ERICH2: variants seen among roughly 807,000 people sequenced by gnomAD.
ERICH2 encodes the protein glutamate-rich protein 2.
Under a neutral mutation model 17.4 loss-of-function variants are expected in ERICH2, and 17 were observed. That is an observed-to-expected ratio of 0.98 (90% CI 0.67 to 1.47). ERICH2 has a LOEUF of 1.47. ERICH2 is among the 40% of genes most tolerant of loss of function. The pLI is 0.00. For missense variants in ERICH2, 186 were observed against 183.2 expected (o/e 1.01, Z -0.09); for synonymous variants, 51 against 61.1 (o/e 0.83, Z 0.77).
chr2:170,791,001 ATTAAAC>A (rs1322334117), intron 2 of ERICH2, among the ~76,000 whole-genome samples: 1 of 152,148 alleles, frequency 6.6e-6, no homozygotes, highest in Non-Finnish European at 1.5e-5. Context: ...AAGAAAAATA[ATTAAAC>A]TTTAATTCAA....
intron 3 of ERICH2, among the ~76,000 whole-genome samples, chr2:170,797,344 C>T (rs889070425): frequency 2.0e-5 from 3 of 152,200 alleles, no homozygotes; most frequent in African/African-American, 7.2e-5. Context: ...GATTAACAGA[C>T]CTCTAGGCAC....
chr2:170,777,700 T>C, the ERICH2 span: 1 of 1,230,714 alleles, frequency 8.1e-7, no homozygotes, highest in East Asian at 3.2e-5. Context: ...TGTCTTTGAT[T>C]GTGCAGCTGA....
upstream of ERICH2, among the ~76,000 whole-genome samples, chr2:170,783,427 G>A (rs577803728): frequency 2.6e-5 from 4 of 152,252 alleles, no homozygotes; most frequent in South Asian, 6.2e-4. Context: ...GCGTGCGCCT[G>A]TAGTCCAGCT....
At chr2:170,792,895 G>C in exon 3 of ERICH2, 2 of 1,514,400 alleles carry the variant, frequency 1.3e-6, no homozygotes, top group Non-Finnish European at 1.8e-6. Flanking sequence ...GAGAGTACCA[G>C]CTGGCAAAAA....
At chr2:170,794,716 T>C (rs916926247) in intron 3 of ERICH2, among the ~76,000 whole-genome samples, 1 of 152,190 alleles carries the variant, frequency 6.6e-6, no homozygotes, top group African/African-American at 2.4e-5. Context: ...TATTAAGCAG[T>C]GTTAAACTTA....
chr2:170,795,579 C>T (rs1055628338), intron 3 of ERICH2, among the ~76,000 whole-genome samples: 3 of 152,028 alleles, frequency 2.0e-5, no homozygotes, highest in Non-Finnish European at 4.4e-5. Context: ...AACTCCTGGG[C>T]TCAAGGATCC....
In ERICH2 at chr2:170,792,932, A is replaced by T; in HGVS notation, c.274+12A>T. ...ATTATGTCAGATGAGTAAGTACAAA[A>T]TACTTTCATATTTTCTAATCTTCTC... On this transcript the variant is annotated intron_variant, in intron 3 of 4. Transcript: ENST00000409885. The T allele has an allele frequency of 6.9e-7, 1 of 1,443,716 alleles. No individual in the cohort carries two copies. The highest frequency in any genetic ancestry group is 9.4e-7 in the Non-Finnish European group (1 of 1,068,184). 89.4% of individuals were successfully genotyped at this position (1,443,716 alleles called of 1,614,324 possible).
chr2:170,795,108 T>C (rs984739976), intron 3 of ERICH2, among the ~76,000 whole-genome samples: 2 of 151,208 alleles, frequency 1.3e-5, no homozygotes, highest in African/African-American at 4.9e-5. Flanking sequence ...GCCTCCCTAG[T>C]AGCTGGGACT....
At chr2:170,774,894 G>A in the ERICH2 span, among the ~76,000 whole-genome samples, 1 of 152,004 alleles carries the variant, frequency 6.6e-6, no homozygotes, top group East Asian at 1.9e-4. Context: ...CATCTTTTGA[G>A]TATTCTTTAC....
At chr2:170,796,106 A>C (rs1474848801) in intron 3 of ERICH2, among the ~76,000 whole-genome samples, 1 of 152,234 alleles carries the variant, frequency 6.6e-6, no homozygotes, top group Non-Finnish European at 1.5e-5. Flanking sequence ...CCTCTTCTGG[A>C]AAGAAGCTTA....
At chr2:170,792,956 T>A in intron 3 of ERICH2, 36 bp downstream of exon 8, 1 of 1,285,540 alleles carries the variant, frequency 7.8e-7, no homozygotes, top group South Asian at 1.5e-5. Context: ...TCTAATCTTC[T>A]CTTTGTTTTC....
chr2:170,776,488 A>T, the ERICH2 span, among the ~76,000 whole-genome samples: 1 of 151,916 alleles, frequency 6.6e-6, no homozygotes, highest in Non-Finnish European at 1.5e-5. Context: ...AGCTATTCTC[A>T]TATCTCAGCC....
chr2:170,788,680 T>C (rs1248637912), intron 2 of ERICH2, among the ~76,000 whole-genome samples: 2 of 152,096 alleles, frequency 1.3e-5, no homozygotes, highest in Non-Finnish European at 2.9e-5. Context: ...GGTTTCACCA[T>C]GTTGGCCAGG....
intron 3 of ERICH2, among the ~76,000 whole-genome samples, chr2:170,793,905 G>C (rs1230132657): frequency 1.3e-5 from 2 of 151,972 alleles, no homozygotes; most frequent in African/African-American, 4.8e-5. Context: ...TATCAGCTTT[G>C]AAAATTTTTT....
At chr2:170,792,035 AT>A (rs529191128) in intron 2 of ERICH2, among the ~76,000 whole-genome samples, 100 of 152,236 alleles carry the variant, frequency 6.6e-4, no homozygotes, top group Middle Eastern at 6.8e-3. Context: ...AGTATAGGGG[AT>A]TTTTTTGTGC....
chr2:170,792,881 G>C, exon 3 of ERICH2: 2 of 1,515,838 alleles, frequency 1.3e-6, no homozygotes, highest in South Asian at 1.3e-5. Flanking sequence ...AGCAGAAATG[G>C]CCCGAGAGTA....
At chr2:170,783,183 G>C (rs1215287296), upstream of ERICH2, 2 of 151,968 alleles carry the variant, frequency 1.3e-5, no homozygotes, top group Non-Finnish European at 2.9e-5. Flanking sequence ...TGCAAAGATA[G>C]TTATCCAAGT....
At chr2:170,786,980 T>A (rs1701174290) in intron 2 of ERICH2, among the ~76,000 whole-genome samples, 1 of 152,212 alleles carries the variant, frequency 6.6e-6, no homozygotes, top group African/African-American at 2.4e-5. Flanking sequence ...TTCTACTGAT[T>A]GTTTTCTCCT....
chr2:170,780,716 T>C (rs1164120753), upstream of ERICH2, among the ~76,000 whole-genome samples: 1 of 152,212 alleles, frequency 6.6e-6, no homozygotes, highest in African/African-American at 2.4e-5. Flanking sequence ...AATATATTTT[T>C]CTTTTTTAGT....
Sources: gnomAD v4.1 joint callset for allele counts (sites outside exome capture counted in the v4.1 genomes callset) on GRCh38, gnomAD v4.1.1 for gene constraint, MANE v1.5 for transcripts, NCBI Gene and HGNC (gene_info 2026-07-23, HGNC 2026-07-21) for gene names.